NFIC: variants seen among roughly 807,000 people sequenced by gnomAD.
NFIC encodes the protein nuclear factor 1 C-type.
A neutral mutation model predicts 54.4 loss-of-function variants in NFIC; 12 were observed. The observed-to-expected ratio is 0.22, with a 90% CI of 0.14 to 0.36. The LOEUF is 0.36. NFIC is among the 10% of genes least tolerant of loss of function. NFIC has a pLI of 1.00. For missense variants in NFIC, 575 were observed against 718.2 expected (o/e 0.80, Z 2.28); for synonymous variants, 322 against 319.2 (o/e 1.01, Z -0.09).
intron 3 of NFIC, among the ~76,000 whole-genome samples, chr19:3,425,410 C>T (rs1410821142): frequency 4.6e-5 from 7 of 152,190 alleles, no homozygotes; most frequent in Admixed American, 6.5e-5. Context: ...CCAGAGGGTT[C>T]TACGGTCCCA....
chr19:3,410,334 G>A (rs2081734739), intron 2 of NFIC, among the ~76,000 whole-genome samples: 2 of 152,228 alleles, frequency 1.3e-5, no homozygotes, highest in African/African-American at 4.8e-5. Context: ...GGTGCTGAAA[G>A]AGGCATTTGT....
intron 2 of NFIC, among the ~76,000 whole-genome samples, chr19:3,394,180 A>C (rs1407612941): frequency 6.6e-6 from 1 of 152,006 alleles, no homozygotes; most frequent in Non-Finnish European, 1.5e-5. Context: ...AACAACAGGA[A>C]AAATTATTGG....
chr19:3,442,351 T>A (rs1486833375), intron 6 of NFIC, among the ~76,000 whole-genome samples: 2 of 150,582 alleles, frequency 1.3e-5, no homozygotes, highest in Non-Finnish European at 2.9e-5. Flanking sequence ...CATCCATTCC[T>A]CTCCTCTGTC....
At chr19:3,414,255 A>G (rs1022475121) in intron 2 of NFIC, among the ~76,000 whole-genome samples, 7 of 152,166 alleles carry the variant, frequency 4.6e-5, no homozygotes, top group Non-Finnish European at 7.3e-5. Context: ...GGCAGGTCAC[A>G]TGCAGTCTCT....
intron 2 of NFIC, among the ~76,000 whole-genome samples, chr19:3,403,465 C>T (rs375363139): frequency 3.9e-5 from 6 of 152,332 alleles, no homozygotes; most frequent in African/African-American, 1.4e-4. Flanking sequence ...GCAAGGGAAA[C>T]TGAGGCACAG....
At chr19:3,434,058 G>C (rs1413905865) in intron 4 of NFIC, among the ~76,000 whole-genome samples, 1 of 152,176 alleles carries the variant, frequency 6.6e-6, no homozygotes, top group Non-Finnish European at 1.5e-5. Flanking sequence ...CTCCAGCTTT[G>C]GCTACACCTC....
At chr19:3,372,114 G>C (rs775706226) in intron 1 of NFIC, among the ~76,000 whole-genome samples, 5 of 149,238 alleles carry the variant, frequency 3.4e-5, no homozygotes, top group Non-Finnish European at 5.9e-5. Context: ...TCCGCCTCCT[G>C]GGTTCACGCG....
In NFIC at chr19:3,452,708, C is replaced by A; in HGVS notation, c.1269+42C>A. 1 of 1,546,480 alleles carries A rather than the reference C, an allele frequency of 6.5e-7. No individual in the cohort carries two copies. The highest frequency in any genetic ancestry group is 2.3e-5 in the East Asian group (1 of 44,018). On this transcript the variant is annotated intron_variant, in intron 8 of 10. Coordinates refer to ENST00000443272, the MANE Select transcript of NFIC (RefSeq NM_001245002.2). The surrounding 1 kb of genome is among the most constrained non-coding windows in gnomAD (Gnocchi z 5.3). Reference sequence around the variant, plus strand: ...GCATTCGGGCCTCTCCTGGCGGCTCCAGGTGACCTCCCGGGGGCCACGTGC... The same window carrying A: ...GCATTCGGGCCTCTCCTGGCGGCTCAAGGTGACCTCCCGGGGGCCACGTGC...
chr19:3,426,996 G>T (rs1315937120), intron 3 of NFIC, among the ~76,000 whole-genome samples: 1 of 147,234 alleles, frequency 6.8e-6, no homozygotes, highest in Admixed American at 6.9e-5. Context: ...GCGCAATCTC[G>T]GCTCACTGCC....
At chr19:3,442,168 C>T (rs1291709775) in intron 6 of NFIC, among the ~76,000 whole-genome samples, 1 of 152,214 alleles carries the variant, frequency 6.6e-6, no homozygotes, top group African/African-American at 2.4e-5. Flanking sequence ...GCCCTTTCTC[C>T]TGGCCGCCTC....
upstream of NFIC, among the ~76,000 whole-genome samples, chr19:3,363,505 C>G (rs961960782): frequency 1.3e-5 from 2 of 151,444 alleles, no homozygotes; most frequent in African/African-American, 4.9e-5. Context: ...CTCCTGACCT[C>G]AAGTGATCTG....
Position 3,453,647 on chromosome 19 carries a change from G to GC in NFIC, c.1270-110dup. 1 of 1,381,760 alleles carries GC rather than the reference G, an allele frequency of 7.2e-7. No homozygotes were observed. The allele number at this position is 1,381,760 out of a possible 1,614,324, so 85.6% of individuals were successfully genotyped here. On this transcript the variant is annotated intron_variant, in intron 8 of 10. Transcript: ENST00000443272. The surrounding 1 kb of genome is among the most constrained non-coding windows in gnomAD (Gnocchi z 6.7). ...CCGCCATGGTCACACCCGCGCCCTG[G>GC]CCCCCCAGCCTGCCACCCCGTCCGG...
intron 2 of NFIC, among the ~76,000 whole-genome samples, chr19:3,400,862 AT>A (rs1483377914): frequency 6.6e-6 from 1 of 152,256 alleles, no homozygotes; most frequent in Non-Finnish European, 1.5e-5. Flanking sequence ...AATAATAAAA[AT>A]AAAAAGAAAT....
rs374469121 is a variant in NFIC, at chr19:3,467,212, G to GCCCCCCCCCCCCCCCCCCC, written c.*4454_*4455insCCCCCCCCCCCCCCCCCCC. 1.1e-5 allele frequency: 1 copy of GCCCCCCCCCCCCCCCCCCC among 88,222 alleles called. No individual in the cohort carries two copies. The highest frequency in any genetic ancestry group is 2.2e-5 in the Non-Finnish European group (1 of 45,422). 5.5% of individuals were successfully genotyped at this position (88,222 alleles called of 1,614,324 possible). A position where few individuals can be genotyped will look rare whatever the true frequency, so the allele number is the denominator to read the frequency against. On this transcript the variant is annotated 3_prime_UTR_variant, in exon 11 of 11. Transcript: ENST00000443272. ...GCTATGGACACCACACCTATGCCAGGCCCCCCCCCCCACCCCAGTCTCATT... is the reference window on the plus strand; with the variant it reads ...GCTATGGACACCACACCTATGCCAGGCCCCCCCCCCCCCCCCCCCCCCCCCCCCCCACCCCAGTCTCATT...
rs568349757 is a variant in NFIC at position 3,464,268 on chromosome 19, G to A, written c.*1499G>A. 15 of 985,394 alleles carry A rather than the reference G, an allele frequency of 1.5e-5. No individual in the cohort carries two copies. In the South Asian group the frequency reaches 7.0e-4, roughly 46 times the overall value. The allele number at this position is 985,394 out of a possible 1,614,324, so 61.0% of individuals were successfully genotyped here. A position where few individuals can be genotyped will look rare whatever the true frequency, so the allele number is the denominator to read the frequency against. ...CGCCAGCGGTCCCCGCTCGGAACGG[G>A]GAGGGTTTTCGGGGGGTTCGGCGTC... On this transcript the variant is annotated 3_prime_UTR_variant, in exon 11 of 11. Transcript: ENST00000443272.
At chr19:3,413,747 C>T (rs746824071) in intron 2 of NFIC, among the ~76,000 whole-genome samples, 2 of 152,074 alleles carry the variant, frequency 1.3e-5, no homozygotes, top group African/African-American at 2.4e-5. Flanking sequence ...AGCAATTCTC[C>T]CGTCTCAGCC....
At chr19:3,367,591 C>A (rs1053579371) in intron 1 of NFIC, among the ~76,000 whole-genome samples, 1 of 152,120 alleles carries the variant, frequency 6.6e-6, no homozygotes, top group African/African-American at 2.4e-5. Flanking sequence ...GGCGGCTCCC[C>A]CCGGGGACTC....
chr19:3,452,193 C>T lies in NFIC; in HGVS notation c.1085-289C>T, dbSNP rs2082475301. On this transcript the variant is annotated intron_variant, in intron 7 of 10. Transcript: ENST00000443272. This position sits in a 1 kb window ranked among gnomAD's most constrained non-coding sequence, Gnocchi z 5.3. ...GGCCTAGGAGGGAGGATCGCTTGAG[C>T]CCAGGAGTTCGAGACCTGCCTGGGC... is the stretch of plus-strand genomic sequence containing the variant. Among the ~76,000 whole-genome samples the T allele has an allele frequency of 6.6e-6, 1 of 151,826 alleles. No individual in the cohort carries two copies. The highest frequency in any genetic ancestry group is 1.9e-4 in the East Asian group (1 of 5,168).
In NFIC at chr19:3,381,914, C is replaced by T; in HGVS notation, c.233C>T (p.Ala78Val). 1.2e-6 allele frequency: 2 copies of T among 1,613,692 alleles called. No individual in the cohort carries two copies. Among genetic ancestry groups the T allele is most frequent in the Non-Finnish European group, 1.7e-6 (2 of 1,179,934 alleles). Residue 78 changes from alanine to valine, a missense_variant, in exon 2 of 11, where the codon GCC becomes GTC. Coordinates refer to ENST00000443272, the MANE Select transcript of NFIC (RefSeq NM_001245002.2). ...CAGAAGTGGGCGTCGCGGCTGCTGG[C>T]CAAGCTGCGCAAGGACATCCGGCCC... ...VKQKWASRLL[A>V]KLRKDIRPEC...
Sources: gnomAD v4.1 joint callset for allele counts (sites outside exome capture counted in the v4.1 genomes callset) on GRCh38, gnomAD v4.1.1 for gene constraint, Gnocchi (gnomAD v3.1) non-coding constraint, MANE v1.5 for transcripts, NCBI Gene and HGNC (gene_info 2026-07-23, HGNC 2026-07-21) for gene names.